The following CSMD1 variants were observed in gnomAD, a reference collection of about 807,000 sequenced individuals.
The protein encoded by CSMD1 is CUB and Sushi multiple domains 1, also known as CUB and sushi domain-containing protein 1.
Under a neutral mutation model 417.5 loss-of-function variants are expected in CSMD1, and 213 were observed. The observed-to-expected ratio is 0.51, with a 90% CI of 0.46 to 0.57. The LOEUF is 0.57. CSMD1 is among the 20% of genes least tolerant of loss of function. CSMD1 has a pLI of 0.00. For missense variants in CSMD1, 6,923 were observed against 4,529.7 expected, an observed-to-expected ratio of 1.53 and a Z score of -15.17; for synonymous variants, 2,862 against 1,736.8, an observed-to-expected ratio of 1.65 and a Z score of -16.11.
chr8:3,909,946 G>T (rs1229058241), intron 5 of CSMD1, among the ~76,000 whole-genome samples: 1 of 152,010 alleles, frequency 6.6e-6, no homozygotes. Flanking sequence ...AGAAAAAATG[G>T]CTTTTTGACT....
intron 1 of CSMD1, among the ~76,000 whole-genome samples, chr8:4,708,951 C>T (rs1224496362): frequency 2.0e-5 from 3 of 152,132 alleles, no homozygotes; most frequent in East Asian, 1.9e-4. Flanking sequence ...AAAGAGGCCT[C>T]AGAAAAGAGC....
intron 2 of CSMD1, among the ~76,000 whole-genome samples, chr8:4,439,555 TTAC>T (rs1461761752): frequency 3.9e-5 from 6 of 152,158 alleles, no homozygotes; most frequent in African/African-American, 1.4e-4. Context: ...AAGTATGAGT[TTAC>T]TATCTGCTGA....
At chr8:4,922,589 G>T (rs1197907344) in intron 1 of CSMD1, among the ~76,000 whole-genome samples, 1 of 152,070 alleles carries the variant, frequency 6.6e-6, no homozygotes, top group African/African-American at 2.4e-5. Context: ...AAAAGCTATT[G>T]ATAGCGCTCA....
chr8:3,660,400 G>A (rs1486077490), intron 7 of CSMD1, among the ~76,000 whole-genome samples: 1 of 151,330 alleles, frequency 6.6e-6, no homozygotes, highest in African/African-American at 2.4e-5. Flanking sequence ...ACGTATGTTG[G>A]CATTTCTTAT....
At chr8:3,489,576 C>T (rs1012953219) in intron 11 of CSMD1, among the ~76,000 whole-genome samples, 4 of 152,174 alleles carry the variant, frequency 2.6e-5, no homozygotes, top group African/African-American at 7.2e-5. Flanking sequence ...AAGAAAGTTA[C>T]TTAACTTTCT....
At chr8:3,586,333 C>G (rs1356979300) in intron 8 of CSMD1, 73 bp from the exon 9 acceptor site, 35 of 1,205,900 alleles carry the variant, frequency 2.9e-5, no homozygotes, top group Non-Finnish European at 3.7e-5. Flanking sequence ...AAAAAAAAAT[C>G]AGCAAAATGG....
At position 3,684,400 on chromosome 8, in the gene CSMD1, A is replaced by T. The variant is rs147402996; in HGVS notation, c.1009+24014T>A. 2.1e-3 allele frequency among the ~76,000 whole-genome samples: 316 copies of T among 148,708 alleles called. 1 individual carries two copies. Among genetic ancestry groups the T allele is most frequent in the African/African-American group, 7.6e-3 (309 of 40,822 alleles). The stretch of plus-strand genomic sequence containing the variant: ...TATAAAATGTATAACATATAAGTAC[A>T]TATATACAAAATATATTTTTTTCAT... On this transcript the variant is annotated intron_variant, in intron 7 of 69. Transcript: ENST00000635120.
At chr8:3,268,289 A>ATTT (rs1163842745) in intron 26 of CSMD1, among the ~76,000 whole-genome samples, 897 of 84,202 alleles carry the variant, frequency 0.011, 54 homozygotes, top group African/African-American at 0.036. Context: ...TTCATTTCCT[A>ATTT]TTTTTTTTTT....
chr8:3,823,015 T>C (rs1801826952), intron 5 of CSMD1, among the ~76,000 whole-genome samples: 1 of 152,172 alleles, frequency 6.6e-6, no homozygotes, highest in Non-Finnish European at 1.5e-5. Flanking sequence ...CTGAGTCAGC[T>C]GAAAACATAA....
intron 10 of CSMD1, among the ~76,000 whole-genome samples, chr8:3,502,660 C>G (rs924750072): frequency 1.3e-5 from 2 of 152,182 alleles, no homozygotes; most frequent in East Asian, 3.9e-4. Flanking sequence ...TCGGAGAAGG[C>G]AGAACTATGG....
rs1801303777 is a variant in CSMD1, at chr8:4,613,548, C to T, written c.302+23794G>A. On this transcript the variant is annotated intron_variant, in intron 2 of 69. Transcript: ENST00000635120. ...ACCGCAACTGTAAGCCCAGCACTTT[C>T]ACACACAATGACTACAGTTAAGTGA... 2.0e-5 allele frequency among the ~76,000 whole-genome samples: 3 copies of T among 152,186 alleles called. 1 individual carries two copies. The South Asian group carries it at 6.2e-4, about 32-fold the overall frequency.
At chr8:4,450,813 T>C (rs1265695966) in intron 2 of CSMD1, among the ~76,000 whole-genome samples, 2 of 152,168 alleles carry the variant, frequency 1.3e-5, no homozygotes, top group Non-Finnish European at 2.9e-5. Flanking sequence ...ACGAGAGGCA[T>C]AAACATACTG....
At chr8:4,062,928 T>C (rs1322348600) in intron 3 of CSMD1, among the ~76,000 whole-genome samples, 1 of 136,450 alleles carries the variant, frequency 7.3e-6, no homozygotes. Context: ...AAAAAAAAAA[T>C]TCTTCTATAT....
chr8:3,300,310 T>C (rs953011362), intron 25 of CSMD1, among the ~76,000 whole-genome samples: 1 of 152,158 alleles, frequency 6.6e-6, no homozygotes, highest in Non-Finnish European at 1.5e-5. Flanking sequence ...TATCACCTTT[T>C]CAAGTGTAGT....
intron 4 of CSMD1, among the ~76,000 whole-genome samples, chr8:4,016,651 G>C (rs764261164): frequency 3.3e-5 from 5 of 152,170 alleles, no homozygotes; most frequent in African/African-American, 2.4e-5. Context: ...GTCTTCTACA[G>C]GTTTGTCTTA....
chr8:4,002,545 G>C (rs1056216680), intron 4 of CSMD1, among the ~76,000 whole-genome samples: 1 of 152,112 alleles, frequency 6.6e-6, no homozygotes, highest in Non-Finnish European at 1.5e-5. Context: ...CATTTCGACT[G>C]AGAAAAATTA....
intron 5 of CSMD1, among the ~76,000 whole-genome samples, chr8:3,941,068 T>G (rs1810850518): frequency 6.6e-6 from 1 of 152,048 alleles, no homozygotes; most frequent in South Asian, 2.1e-4. Flanking sequence ...TTGGGGTAAT[T>G]ATAATATCCA....
At chr8:4,098,116 C>G (rs147098124) in intron 3 of CSMD1, among the ~76,000 whole-genome samples, 1 of 152,152 alleles carries the variant, frequency 6.6e-6, no homozygotes, top group Admixed American at 6.6e-5. Context: ...TTAAGATGAT[C>G]TTTCACTCAT....
Position 3,188,055 on chromosome 8 carries a change from G to C in CSMD1, c.5524-90C>G, listed in dbSNP as rs932980846. ...GGGTTTTGGGGTTTTTCATGATTAA[G>C]GTGTATATGTATATATATATACATA... On this transcript the variant is annotated intron_variant, in intron 35 of 69. Coordinates refer to ENST00000635120, the MANE Select transcript of CSMD1 (RefSeq NM_033225.6). 9 of 659,938 alleles carry C rather than the reference G, an allele frequency of 1.4e-5. 1 individual carries two copies. Among genetic ancestry groups the C allele is most frequent in the East Asian group, 1.3e-4 (4 of 30,006 alleles). 40.9% of individuals were successfully genotyped at this position (659,938 alleles called of 1,614,324 possible). A position where few individuals can be genotyped will look rare whatever the true frequency, so the allele number is the denominator to read the frequency against.
Sources: gnomAD v4.1 joint callset for allele counts (sites outside exome capture counted in the v4.1 genomes callset) on GRCh38, gnomAD v4.1.1 for gene constraint, MANE v1.5 for transcripts, NCBI Gene and HGNC (gene_info 2026-07-23, HGNC 2026-07-21) for gene names.